The following CTPS2 variants were observed in gnomAD, a reference collection of about 807,000 sequenced individuals.
CTPS2 encodes the protein CTP synthase II.
In CTPS2, 19 loss-of-function variants were observed where a neutral mutation model predicts 46.8. The ratio of observed to expected loss-of-function variants is 0.41; its 90% CI spans 0.28 to 0.60. The LOEUF (loss-of-function observed/expected upper bound fraction) is 0.60. Among genes scored for constraint, CTPS2 ranks in the 20% least tolerant of loss-of-function variants. CTPS2 has a pLI of 0.35. For missense variants in CTPS2, 286 were observed against 447.6 expected, an observed-to-expected ratio of 0.64 and a Z score of 3.26; for synonymous variants, 151 against 165.2, an observed-to-expected ratio of 0.91 and a Z score of 0.66.
At chrX:16,676,448 G>T (rs1229639808) in intron 10 of CTPS2, among the ~76,000 whole-genome samples, 5 of 111,468 alleles carry the variant, frequency 4.5e-5, no homozygotes, top group Non-Finnish European at 1.9e-5. Flanking sequence ...CTTTAAAAAA[G>T]GTCTTATCTG....
chrX:16,649,303 G>A (rs1932483041), intron 13 of CTPS2, among the ~76,000 whole-genome samples: 1 of 112,107 alleles, frequency 8.9e-6, no homozygotes, highest in African/African-American at 3.2e-5. Flanking sequence ...ACTCAATATT[G>A]ATTTGCCAAA....
At chrX:16,702,054 T>G (rs1320932715) in intron 2 of CTPS2, among the ~76,000 whole-genome samples, 1 of 110,227 alleles carries the variant, frequency 9.1e-6, no homozygotes, top group Non-Finnish European at 1.9e-5. Context: ...TTTTGTTTGT[T>G]TGTTTGTTTG....
chrX:16,653,522 A>C (rs1002740635), intron 13 of CTPS2, among the ~76,000 whole-genome samples: 14 of 111,821 alleles, frequency 1.3e-4, no homozygotes, highest in South Asian at 7.5e-4. Context: ...AGGCAGGAGG[A>C]TCATTTGAGC....
intron 17 of CTPS2, among the ~76,000 whole-genome samples, chrX:16,606,742 G>GT (rs769621197): frequency 2.7e-5 from 3 of 110,465 alleles, no homozygotes; most frequent in Non-Finnish European, 5.7e-5. Flanking sequence ...CAATCAGTCA[G>GT]TTTTTTCAGA....
intron 13 of CTPS2, among the ~76,000 whole-genome samples, chrX:16,644,210 T>TTACAGCCTCTGACTCCTGGCTTCAAG (rs2147250489): frequency 9.1e-6 from 1 of 109,828 alleles, no homozygotes; most frequent in East Asian, 2.9e-4. Context: ...TCATAGCTCA[T>TTACAGCCTCTGACTCCTGGCTTCAAG]TACAGCCTCT....
intron 10 of CTPS2, among the ~76,000 whole-genome samples, chrX:16,674,309 A>T (rs1043613998): frequency 9.1e-6 from 1 of 110,037 alleles, no homozygotes; most frequent in Non-Finnish European, 1.9e-5. Context: ...GATTACAGGT[A>T]TGCACCACCA....
At chrX:16,616,339 G>A (rs1930527441) in intron 16 of CTPS2, among the ~76,000 whole-genome samples, 1 of 112,196 alleles carries the variant, frequency 8.9e-6, no homozygotes, top group Non-Finnish European at 1.9e-5. Flanking sequence ...AAACAACTCT[G>A]GGGGCAGTGA....
chrX:16,678,417 C>T lies in CTPS2; in HGVS notation c.1039G>A (p.Glu347Lys), dbSNP rs756391001. The T allele has an allele frequency of 1.8e-5, 22 of 1,199,195 alleles. No homozygotes were observed. Among genetic ancestry groups the T allele is most frequent in the Non-Finnish European group, 2.4e-5 (21 of 886,778 alleles). The change falls in exon 10 of 19, where the codon GAA becomes AAA. Residue 347 changes from glutamate to lysine, a missense_variant. By Grantham distance (56) the Glu-to-Lys change is moderately conservative (BLOSUM62 1). Coordinates refer to ENST00000359276, the MANE Select transcript of CTPS2 (RefSeq NM_175859.3). ...TGAAATTTCACAGGGTCCTCGGTTT[C>T]AGTGATCTTCTCCAGATCAATGGAG... ...IDSIDLEKIT[E>K]TEDPVKFHEA...
intron 17 of CTPS2, among the ~76,000 whole-genome samples, chrX:16,598,907 C>T (rs1205165064): frequency 4.5e-5 from 5 of 111,759 alleles, no homozygotes; most frequent in Non-Finnish European, 7.5e-5. Flanking sequence ...ATTCAATATA[C>T]GCAAATCAAT....
intron 8 of CTPS2, among the ~76,000 whole-genome samples, chrX:16,687,299 AC>A (rs1346669205): frequency 1.8e-5 from 2 of 109,004 alleles, no homozygotes; most frequent in Non-Finnish European, 3.8e-5. Context: ...AGATGGCAAA[AC>A]CCCGTCTCTA....
At chrX:16,641,853 G>A (rs1378833058) in intron 13 of CTPS2, among the ~76,000 whole-genome samples, 1 of 112,078 alleles carries the variant, frequency 8.9e-6, no homozygotes, top group Non-Finnish European at 1.9e-5. Context: ...GTGTAGGGGT[G>A]GGAGGTGGGG....
At chrX:16,701,835 G>A (rs1224066363) in intron 2 of CTPS2, among the ~76,000 whole-genome samples, 1 of 109,771 alleles carries the variant, frequency 9.1e-6, no homozygotes, top group Non-Finnish European at 1.9e-5. Context: ...TCCTGACCTC[G>A]TGATCCGCCC....
chrX:16,688,008 G>C (rs1200075621), intron 8 of CTPS2, among the ~76,000 whole-genome samples: 1 of 111,078 alleles, frequency 9.0e-6, no homozygotes, highest in East Asian at 2.8e-4. Flanking sequence ...TAAGAGAAGA[G>C]GCCAGGATTT....
chrX:16,707,151 T>C (rs1227059761), intron 1 of CTPS2, among the ~76,000 whole-genome samples: 1 of 112,124 alleles, frequency 8.9e-6, no homozygotes, highest in East Asian at 2.8e-4. Context: ...TATTTGACTT[T>C]TCTGCTGCTT....
At chrX:16,689,715 C>T (rs1923534407) in intron 7 of CTPS2, 114 bp from the exon 8 acceptor site, 1 of 571,890 alleles carries the variant, frequency 1.7e-6, no homozygotes, top group East Asian at 3.6e-5. Context: ...ATATAACACA[C>T]ACACACGCAC....
chrX:16,634,537 T>A (rs1340753054), intron 14 of CTPS2, among the ~76,000 whole-genome samples: 1 of 112,361 alleles, frequency 8.9e-6, no homozygotes, highest in Non-Finnish European at 1.9e-5. Context: ...CCAGTACTTT[T>A]GTCCAAATCA....
intron 8 of CTPS2, among the ~76,000 whole-genome samples, chrX:16,688,942 A>T (rs5978788): frequency 0.55 from 58,198 of 106,305 alleles, 13,431 homozygotes; most frequent in African/African-American, 0.84. Context: ...AAAAAAAAAA[A>T]ATATATATTA....
intron 10 of CTPS2, among the ~76,000 whole-genome samples, chrX:16,672,434 C>T (rs1409665946): frequency 9.0e-6 from 1 of 111,281 alleles, no homozygotes; most frequent in Non-Finnish European, 1.9e-5. Flanking sequence ...CCTTTATCTC[C>T]TTTCCTTTTC....
chrX:16,613,401 G>T (rs1930361005), intron 16 of CTPS2, among the ~76,000 whole-genome samples: 2 of 111,940 alleles, frequency 1.8e-5, no homozygotes, highest in African/African-American at 6.5e-5. Context: ...GTGAGCTGGA[G>T]TTGGCATGCA....
Sources: allele counts gnomAD v4.1 joint callset (sites outside exome capture counted in the v4.1 genomes callset), GRCh38; gene constraint gnomAD v4.1.1; transcripts MANE v1.5; gene names NCBI Gene and HGNC (gene_info 2026-07-23, HGNC 2026-07-21).